ZDHHC15: variants seen among roughly 807,000 people sequenced by gnomAD.
The protein encoded by ZDHHC15 is palmitoyltransferase ZDHHC15.
Under a neutral mutation model 31.7 loss-of-function variants are expected in ZDHHC15, and 19 were observed. The ratio of observed to expected loss-of-function variants is 0.60; its 90% CI spans 0.42 to 0.88. ZDHHC15 has a LOEUF of 0.88. Among genes scored for constraint, ZDHHC15 ranks in the 40% least tolerant of loss-of-function variants. The pLI, the probability that ZDHHC15 is intolerant of heterozygous loss-of-function variation, is 0.00. For missense variants in ZDHHC15, 209 were observed against 251.2 expected (o/e 0.83, Z 1.14); for synonymous variants, 103 against 90.0 (o/e 1.14, Z -0.82).
At chrX:75,498,317 G>T (rs1272489591) in intron 2 of ZDHHC15, among the ~76,000 whole-genome samples, 2 of 110,276 alleles carry the variant, frequency 1.8e-5, no homozygotes, top group Non-Finnish European at 3.8e-5. Flanking sequence ...GGTAAAGAGA[G>T]AAAAAAAATC....
intron 1 of ZDHHC15, among the ~76,000 whole-genome samples, chrX:75,517,234 T>C (rs1333106497): frequency 2.7e-5 from 3 of 111,719 alleles, no homozygotes; most frequent in Non-Finnish European, 5.6e-5. Context: ...ATCCCATTAC[T>C]GGGAATATAC....
rs776303782 is a variant in ZDHHC15, at chrX:75,491,920, G to A, written c.164-12935C>T. Among the ~76,000 whole-genome samples the A allele has an allele frequency of 3.6e-5, 4 of 111,491 alleles. No individual in the cohort carries two copies. In the South Asian group the frequency reaches 1.5e-3, roughly 42 times the overall value. On this transcript the variant is annotated intron_variant, in intron 2 of 11. Transcript: ENST00000373367. ...ATAACCAGCTAACATCATAATGACA[G>A]GATAAAATTCACACATAACAATATT...
chrX:75,491,829 G>A lies in ZDHHC15; in HGVS notation c.164-12844C>T, dbSNP rs142359685. Among the ~76,000 whole-genome samples the A allele has an allele frequency of 4.3e-3, 478 of 111,290 alleles. 2 individuals carry two copies. The highest frequency in any genetic ancestry group is 0.015 in the African/African-American group (460 of 30,674). On this transcript the variant is annotated intron_variant, in intron 2 of 11. Coordinates refer to ENST00000373367, the MANE Select transcript of ZDHHC15 (RefSeq NM_144969.3). ...AAAGGAATGATCAGTACCAGCCACT[G>A]CAAAAACATGCCAAATTGTAAAGTC...
At chrX:75,452,853 T>C (rs989395541) in intron 3 of ZDHHC15, among the ~76,000 whole-genome samples, 2 of 111,838 alleles carry the variant, frequency 1.8e-5, no homozygotes, top group Non-Finnish European at 3.8e-5. Context: ...AGACACAACA[T>C]ACTAGAATCT....
chrX:75,488,783 G>GA (rs1226567935), intron 2 of ZDHHC15, among the ~76,000 whole-genome samples: 1 of 111,898 alleles, frequency 8.9e-6, no homozygotes, highest in Non-Finnish European at 1.9e-5. Flanking sequence ...AGCGCTAGCC[G>GA]AAGCAGGGCG....
intron 9 of ZDHHC15, among the ~76,000 whole-genome samples, chrX:75,420,869 T>G (rs1257640903): frequency 9.1e-6 from 1 of 110,245 alleles, no homozygotes; most frequent in East Asian, 2.9e-4. Context: ...TGGGTTGATA[T>G]GCAGCAAACC....
At chrX:75,399,301 T>G (rs1410487136) in intron 10 of ZDHHC15, among the ~76,000 whole-genome samples, 1 of 111,517 alleles carries the variant, frequency 9.0e-6, no homozygotes, top group African/African-American at 3.3e-5. Flanking sequence ...TCTTAGCCAC[T>G]GCCTCTGTAG....
intron 4 of ZDHHC15, among the ~76,000 whole-genome samples, chrX:75,436,727 T>C (rs2083856500): frequency 8.9e-6 from 1 of 112,588 alleles, no homozygotes; most frequent in African/African-American, 3.2e-5. Context: ...TTTTCTTAGA[T>C]TTACTGAAAC....
At chrX:75,503,852 T>G (rs1401597763) in intron 2 of ZDHHC15, among the ~76,000 whole-genome samples, 5 of 111,405 alleles carry the variant, frequency 4.5e-5, no homozygotes, top group Non-Finnish European at 9.4e-5. Flanking sequence ...GGCCATACTC[T>G]TGCTGAAATG....
chrX:75,390,248 C>T (rs1387349332), intron 10 of ZDHHC15, among the ~76,000 whole-genome samples: 2 of 112,299 alleles, frequency 1.8e-5, no homozygotes, highest in East Asian at 5.7e-4. Context: ...GTGCTGACTC[C>T]CAGATGGCAT....
At chrX:75,414,917 C>T (rs2083531994) in intron 10 of ZDHHC15, among the ~76,000 whole-genome samples, 1 of 106,933 alleles carries the variant, frequency 9.4e-6, no homozygotes, top group Non-Finnish European at 1.9e-5. Flanking sequence ...AGGTGTGTGT[C>T]ATCATACCTG....
intron 2 of ZDHHC15, among the ~76,000 whole-genome samples, chrX:75,483,338 T>C (rs2084723086): frequency 9.1e-6 from 1 of 110,360 alleles, no homozygotes; most frequent in Non-Finnish European, 1.9e-5. Flanking sequence ...GGTTCACACA[T>C]GTAATCCCAG....
In ZDHHC15 at chrX:75,384,641, C is replaced by T. The variant is rs900146541; in HGVS notation, c.968-5443G>A. The stretch of plus-strand genomic sequence containing the variant: ...GTGCGTATTGAGCACATTAAGCACT[C>T]TAAGAGCCGAGATAGCTTCCTGAAA... On this transcript the variant is annotated intron_variant, in intron 10 of 11. Coordinates refer to ENST00000373367, the MANE Select transcript of ZDHHC15 (RefSeq NM_144969.3). 48 of 868,195 alleles carry T rather than the reference C, an allele frequency of 5.5e-5. 1 individual carries two copies. The highest frequency in any genetic ancestry group is 7.7e-5 in the Non-Finnish European group (46 of 596,247). The allele number at this position is 868,195 out of a possible 1,213,427, so 71.5% of individuals were successfully genotyped here.
rs745923079 is a variant in ZDHHC15, at chrX:75,522,175, A to T, written c.136+714T>A. Among the ~76,000 whole-genome samples, 4 of 111,605 alleles carry T rather than the reference A, an allele frequency of 3.6e-5. No individual in the cohort carries two copies. The Admixed American group carries it at 3.8e-4, about 11-fold the overall frequency. On this transcript the variant is annotated intron_variant, in intron 1 of 11. Coordinates refer to ENST00000373367, the MANE Select transcript of ZDHHC15 (RefSeq NM_144969.3). Reference sequence around the variant, plus strand: ...AGAGAGGATGTATTATAGAATACCAATCCCATTAAAGAAAATGATTAAATG... The same window carrying T: ...AGAGAGGATGTATTATAGAATACCATTCCCATTAAAGAAAATGATTAAATG...
In ZDHHC15 at chrX:75,474,180, C is replaced by A. The variant is rs149114597; in HGVS notation, c.258+4711G>T. 3.6e-5 allele frequency among the ~76,000 whole-genome samples: 4 copies of A among 110,114 alleles called. No individual in the cohort carries two copies. In the East Asian group the frequency reaches 1.1e-3, roughly 31 times the overall value. On this transcript the variant is annotated intron_variant, in intron 3 of 11. Coordinates refer to ENST00000373367, the MANE Select transcript of ZDHHC15 (RefSeq NM_144969.3). ...CAGTAGGCTTGGGAAGGCAGACCCA[C>A]CCTTAATCTGGATGGGCACCATCTA...
At chrX:75,517,176 T>A (rs1483331469) in intron 1 of ZDHHC15, among the ~76,000 whole-genome samples, 2 of 111,907 alleles carry the variant, frequency 1.8e-5, no homozygotes, top group Non-Finnish European at 3.8e-5. Context: ...GCAGACAGTG[T>A]GGTGATTCCT....
chrX:75,429,125 G>A lies in ZDHHC15; in HGVS notation c.556C>T (p.Leu186=). ...CTGAAGACTGTCGTAGCAATGTACAGGCAGTAGAGAACAGAGTAAGCTAAG... is the reference window on the plus strand; with the variant it reads ...CTGAAGACTGTCGTAGCAATGTACAAGCAGTAGAGAACAGAGTAAGCTAAG... ...QFLAYSVLYC[L]YIATTVFSYF... The change falls in exon 7 of 12, where the codon CTG becomes TTG. Residue 186 remains leucine (L), a synonymous_variant. Transcript: ENST00000373367. The A allele has an allele frequency of 3.3e-6, 4 of 1,208,481 alleles. No homozygotes were observed.
intron 3 of ZDHHC15, among the ~76,000 whole-genome samples, chrX:75,477,704 G>C (rs2084628297): frequency 9.0e-6 from 1 of 111,454 alleles, no homozygotes; most frequent in Non-Finnish European, 1.9e-5. Flanking sequence ...CTATTTACTA[G>C]TGATATCTTT....
intron 4 of ZDHHC15, among the ~76,000 whole-genome samples, chrX:75,436,381 G>A (rs2083852089): frequency 9.0e-6 from 1 of 111,383 alleles, no homozygotes; most frequent in Non-Finnish European, 1.9e-5. Context: ...CTGGGTTTGG[G>A]TTTGGTTTGT....
Sources: gnomAD v4.1 joint callset for allele counts (sites outside exome capture counted in the v4.1 genomes callset) on GRCh38, gnomAD v4.1.1 for gene constraint, MANE v1.5 for transcripts, NCBI Gene and HGNC (gene_info 2026-07-23, HGNC 2026-07-21) for gene names.